The following SRD5A2 variants were observed in gnomAD, a reference collection of about 807,000 sequenced individuals.
SRD5A2 encodes the protein 3-oxo-5-alpha-steroid 4-dehydrogenase 2.
Under a neutral mutation model 27.4 loss-of-function variants are expected in SRD5A2, and 30 were observed. The ratio of observed to expected loss-of-function variants is 1.10; its 90% CI spans 0.82 to 1.49. The LOEUF is 1.49. SRD5A2 is among the 40% of genes most tolerant of loss of function. SRD5A2 has a pLI of 0.00. For synonymous variants in SRD5A2, 141 were observed against 133.6 expected (o/e 1.06, Z -0.38); for missense variants, 348 against 323.4 (o/e 1.08, Z -0.58).
the SRD5A2 span, among the ~76,000 whole-genome samples, chr2:31,587,841 T>G: frequency 6.6e-6 from 1 of 152,096 alleles, no homozygotes. Flanking sequence ...TGCAGCAAAC[T>G]ACCATGGCAC....
At chr2:31,607,319 A>C in the SRD5A2 span, among the ~76,000 whole-genome samples, 1 of 151,992 alleles carries the variant, frequency 6.6e-6, no homozygotes, top group Non-Finnish European at 1.5e-5. Flanking sequence ...AAAGAGAAAA[A>C]CACAAAGAAG....
At chr2:31,578,395 G>A (rs534874572) in intron 1 of SRD5A2, among the ~76,000 whole-genome samples, 180 of 152,204 alleles carry the variant, frequency 1.2e-3, no homozygotes, top group African/African-American at 4.0e-3. Flanking sequence ...CTGATTCCTC[G>A]TTATTGTGTG....
At chr2:31,626,666 C>A in the SRD5A2 span, among the ~76,000 whole-genome samples, 1 of 151,958 alleles carries the variant, frequency 6.6e-6, no homozygotes, top group African/African-American at 2.4e-5. Context: ...ATTTATTGAT[C>A]TGAGTATGTT....
chr2:31,546,840 T>C (rs1176515044), intron 1 of SRD5A2, among the ~76,000 whole-genome samples: 1 of 152,206 alleles, frequency 6.6e-6, no homozygotes, highest in Admixed American at 6.5e-5. Flanking sequence ...CTCACACCTG[T>C]AATCCCAGCA....
chr2:31,626,797 G>A, the SRD5A2 span, among the ~76,000 whole-genome samples: 5 of 152,180 alleles, frequency 3.3e-5, no homozygotes, highest in African/African-American at 1.2e-4. Flanking sequence ...TGTTCATCAG[G>A]GATATTGGTC....
the SRD5A2 span, among the ~76,000 whole-genome samples, chr2:31,653,917 C>T: frequency 4.6e-5 from 7 of 152,286 alleles, no homozygotes; most frequent in Middle Eastern, 3.4e-3. Context: ...CCTCGGCCTC[C>T]CAGAGTGCTG....
chr2:31,639,683 C>G, the SRD5A2 span, among the ~76,000 whole-genome samples: 2 of 151,862 alleles, frequency 1.3e-5, no homozygotes, highest in Non-Finnish European at 2.9e-5. Context: ...TCCCTCCTGG[C>G]CTGTATGTTT....
chr2:31,661,960 T>G, the SRD5A2 span, among the ~76,000 whole-genome samples: 1 of 152,192 alleles, frequency 6.6e-6, no homozygotes, highest in Non-Finnish European at 1.5e-5. Context: ...ATCCAATTTT[T>G]TACTTCAGAT....
chr2:31,641,156 T>C, the SRD5A2 span, among the ~76,000 whole-genome samples: 1 of 152,146 alleles, frequency 6.6e-6, no homozygotes, highest in Non-Finnish European at 1.5e-5. Flanking sequence ...TTTTCTATGA[T>C]GGGGAGCAAA....
Position 31,560,072 on chromosome 2 carries a change from T to A in SRD5A2, c.281+20548A>T, listed in dbSNP as rs909276356. 5.3e-4 allele frequency among the ~76,000 whole-genome samples: 76 copies of A among 143,258 alleles called. 1 individual carries two copies. In the South Asian group the frequency reaches 0.019, roughly 37 times the overall value. 94.0% of individuals were successfully genotyped at this position (143,258 alleles called of 152,430 possible). A position where few individuals can be genotyped will look rare whatever the true frequency, so the allele number is the denominator to read the frequency against. The stretch of plus-strand genomic sequence containing the variant: ...CATACCAATCCCCCCCCCCCCCTTT[T>A]TTTAAAAAGTCATTGACCATTGGGA... On this transcript the variant is annotated intron_variant, in intron 1 of 4. Coordinates refer to ENST00000622030, the MANE Select transcript of SRD5A2 (RefSeq NM_000348.4).
chr2:31,625,423 G>A, the SRD5A2 span, among the ~76,000 whole-genome samples: 2 of 152,262 alleles, frequency 1.3e-5, no homozygotes, highest in African/African-American at 2.4e-5. Flanking sequence ...TTTTAGTCAC[G>A]AAGTACTTGC....
the SRD5A2 span, among the ~76,000 whole-genome samples, chr2:31,626,128 G>C: frequency 1.3e-5 from 2 of 152,182 alleles, no homozygotes; most frequent in Non-Finnish European, 2.9e-5. Flanking sequence ...AAGCAATTGT[G>C]AATGGGAGTT....
Position 31,580,918 on chromosome 2 carries a change from C to G in SRD5A2, c.-18G>C, listed in dbSNP as rs549076094. On this transcript the variant is annotated 5_prime_UTR_variant, in exon 1 of 5. Transcript: ENST00000622030. ...ACCTGCATCGCGCCGTGTTCCTCGC[C>G]GGTGGCCGCTGCCCTCCCAGAAGAG... The G allele has an allele frequency of 1.3e-6, 2 of 1,586,822 alleles. No individual in the cohort carries two copies. The highest frequency in any genetic ancestry group is 1.1e-5 in the South Asian group (1 of 90,452).
At chr2:31,536,990 G>A (rs995849647) in intron 1 of SRD5A2, among the ~76,000 whole-genome samples, 1 of 152,198 alleles carries the variant, frequency 6.6e-6, no homozygotes, top group South Asian at 2.1e-4. Flanking sequence ...TTCATTTGGG[G>A]GGATTCATTG....
intron 1 of SRD5A2, among the ~76,000 whole-genome samples, chr2:31,540,712 T>C (rs1322022521): frequency 1.3e-5 from 2 of 152,224 alleles, no homozygotes; most frequent in Non-Finnish European, 2.9e-5. Flanking sequence ...CAGTTAACTT[T>C]GATTTCAGCT....
chr2:31,593,766 A>G, the SRD5A2 span, among the ~76,000 whole-genome samples: 1 of 152,224 alleles, frequency 6.6e-6, no homozygotes, highest in Non-Finnish European at 1.5e-5. Context: ...TAAAGTCAAG[A>G]TGAAGGAAAG....
At chr2:31,653,631 T>G in the SRD5A2 span, among the ~76,000 whole-genome samples, 1 of 152,186 alleles carries the variant, frequency 6.6e-6, no homozygotes, top group African/African-American at 2.4e-5. Flanking sequence ...ACATTGAGAA[T>G]GAGTAGAATA....
rs567111269 is a variant in SRD5A2 at position 31,545,250 on chromosome 2, C to T, written c.282-11484G>A. Reference sequence around the variant, plus strand: ...CTATGAGGTCAGCATTATTCTGACACCAAATTTAGACACAGACACTATCAG... The same window carrying T: ...CTATGAGGTCAGCATTATTCTGACATCAAATTTAGACACAGACACTATCAG... On this transcript the variant is annotated intron_variant, in intron 1 of 4. Transcript: ENST00000622030. Among the ~76,000 whole-genome samples the T allele has an allele frequency of 2.6e-5, 4 of 151,928 alleles. No homozygotes were observed. In the East Asian group the frequency reaches 7.7e-4, roughly 29 times the overall value.
intron 1 of SRD5A2, among the ~76,000 whole-genome samples, chr2:31,576,393 G>A (rs1290290222): frequency 1.4e-4 from 6 of 41,488 alleles, no homozygotes; most frequent in African/African-American, 4.4e-4. Context: ...AACACATGAA[G>A]AAATGCTCAT....
Sources: gnomAD v4.1 joint callset for allele counts (sites outside exome capture counted in the v4.1 genomes callset) on GRCh38, gnomAD v4.1.1 for gene constraint, MANE v1.5 for transcripts, NCBI Gene and HGNC (gene_info 2026-07-23, HGNC 2026-07-21) for gene names.